The following COL25A1 variants were observed in gnomAD, a reference collection of about 807,000 sequenced individuals.
COL25A1 encodes collagen type XXV alpha 1 chain.
COL25A1 carries 103 observed loss-of-function variants against 128.4 expected under a neutral mutation model. The observed-to-expected ratio is 0.80, with a 90% CI of 0.68 to 0.94. COL25A1 has a LOEUF of 0.94. Among genes scored for constraint, COL25A1 ranks in the 40% least tolerant of loss-of-function variants. COL25A1 has a pLI of 0.00. For missense variants in COL25A1, 745 were observed against 840.0 expected (o/e 0.89, Z 1.40); for synonymous variants, 279 against 277.2 (o/e 1.01, Z -0.06).
chr4:109,222,940 C>A (rs1018253451), intron 3 of COL25A1, among the ~76,000 whole-genome samples: 13 of 152,258 alleles, frequency 8.5e-5, no homozygotes, highest in African/African-American at 3.1e-4. Context: ...GATTTCCTAA[C>A]AATAAGTGTG....
chr4:109,019,569 G>C (rs748459744), intron 5 of COL25A1, among the ~76,000 whole-genome samples: 3 of 151,844 alleles, frequency 2.0e-5, no homozygotes, highest in South Asian at 2.1e-4. Context: ...GGTGGCAGCC[G>C]AGAGAGTGAG....
intron 5 of COL25A1, among the ~76,000 whole-genome samples, chr4:109,026,251 TG>T (rs1758277167): frequency 6.6e-6 from 1 of 152,074 alleles, no homozygotes; most frequent in African/African-American, 2.4e-5. Context: ...AGAGGAAAAG[TG>T]TTCCAAAATG....
At chr4:109,146,117 T>C (rs1435612466) in intron 3 of COL25A1, among the ~76,000 whole-genome samples, 1 of 152,198 alleles carries the variant, frequency 6.6e-6, no homozygotes, top group Non-Finnish European at 1.5e-5. Context: ...GAAATATTCA[T>C]CTTGCTGTAA....
intron 5 of COL25A1, among the ~76,000 whole-genome samples, chr4:109,029,289 T>C (rs759038071): frequency 1.9e-4 from 29 of 152,172 alleles, no homozygotes; most frequent in Non-Finnish European, 4.3e-4. Context: ...TCCCACTCCA[T>C]CCCGCCCAAT....
intron 35 of COL25A1, among the ~76,000 whole-genome samples, chr4:108,822,586 T>G (rs906624771): frequency 6.6e-6 from 1 of 151,922 alleles, no homozygotes; most frequent in Non-Finnish European, 1.5e-5. Context: ...CCCACCATAT[T>G]TTTTTATTTT....
At chr4:108,936,489 C>T in intron 11 of COL25A1, among the ~76,000 whole-genome samples, 1 of 152,102 alleles carries the variant, frequency 6.6e-6, no homozygotes, top group East Asian at 1.9e-4. Context: ...ATCGCTTGAA[C>T]CCAGGAGGTG....
intron 3 of COL25A1, among the ~76,000 whole-genome samples, chr4:109,086,823 T>A (rs753969886): frequency 6.6e-6 from 1 of 152,190 alleles, no homozygotes; most frequent in Non-Finnish European, 1.5e-5. Context: ...TGCAGCGGGC[T>A]CCCCTTACAC....
intron 6 of COL25A1, among the ~76,000 whole-genome samples, chr4:108,988,458 A>G (rs1038732189): frequency 6.6e-6 from 1 of 152,182 alleles, no homozygotes; most frequent in Non-Finnish European, 1.5e-5. Context: ...GGTGACTACA[A>G]TTTCTCATGT....
At position 108,832,632 on chromosome 4, in the gene COL25A1, C is replaced by A. The variant is rs773690256; in HGVS notation, c.1657-199G>T. The A allele has an allele frequency of 1.1e-4, 50 of 469,796 alleles. 1 individual carries two copies. The highest frequency in any genetic ancestry group is 1.7e-4 in the Non-Finnish European group (46 of 266,798). The allele number at this position is 469,796 out of a possible 1,614,324, so 29.1% of individuals were successfully genotyped here. ...GCAAAAAGGATGAAGTATATAACTG[C>A]ATGTTTCAATGAAAGGCACACACGA... On this transcript the variant is annotated intron_variant, in intron 31 of 37. Transcript: ENST00000399132.
rs527784944 is a variant in COL25A1, at chr4:109,201,639, T to C, written c.367+98944A>G. 2.3e-3 allele frequency among the ~76,000 whole-genome samples: 345 copies of C among 152,136 alleles called. 1 individual carries two copies. The highest frequency in any genetic ancestry group is 7.6e-3 in the African/African-American group (317 of 41,500). ...CAATATCACTGGAAGTCCTAACTAATACAATAAGACAAGGAAAGGATATAA... is the reference window on the plus strand; with the variant it reads ...CAATATCACTGGAAGTCCTAACTAACACAATAAGACAAGGAAAGGATATAA... On this transcript the variant is annotated intron_variant, in intron 3 of 37. Transcript: ENST00000399132.
At chr4:109,208,864 T>G (rs1476545137) in intron 3 of COL25A1, among the ~76,000 whole-genome samples, 1 of 152,200 alleles carries the variant, frequency 6.6e-6, no homozygotes, top group African/African-American at 2.4e-5. Flanking sequence ...GTTTTCTCTA[T>G]TCTCACTTAC....
chr4:108,879,621 A>G (rs1739873224), intron 19 of COL25A1, among the ~76,000 whole-genome samples: 1 of 151,452 alleles, frequency 6.6e-6, no homozygotes, highest in African/African-American at 2.4e-5. Context: ...GTATTTTTGT[A>G]TTTTTAGTAG....
chr4:109,054,477 A>G (rs1863293), intron 3 of COL25A1, among the ~76,000 whole-genome samples: 74,974 of 151,992 alleles, frequency 0.49, 20,234 homozygotes, highest in African/African-American at 0.69. Context: ...AAGCTTATAA[A>G]CCATTTCCGT....
chr4:108,833,204 A>G (rs1394221250), intron 31 of COL25A1, among the ~76,000 whole-genome samples: 1 of 152,184 alleles, frequency 6.6e-6, no homozygotes, highest in Middle Eastern at 3.2e-3. Flanking sequence ...ACAGTGTGTA[A>G]CTGTTCAATC....
intron 3 of COL25A1, among the ~76,000 whole-genome samples, chr4:109,243,890 T>G (rs990041736): frequency 6.6e-6 from 1 of 152,132 alleles, no homozygotes; most frequent in African/African-American, 2.4e-5. Context: ...CTATGTTTTT[T>G]GAGTGAGTTT....
intron 6 of COL25A1, among the ~76,000 whole-genome samples, chr4:109,002,580 ATTTTCAG>A (rs1755551730): frequency 6.6e-6 from 1 of 152,154 alleles, no homozygotes; most frequent in Non-Finnish European, 1.5e-5. Flanking sequence ...AAGGGTACAA[ATTTTCAG>A]TTACAAGATG....
chr4:108,943,022 C>G (rs1345322691), intron 8 of COL25A1, among the ~76,000 whole-genome samples: 1 of 152,092 alleles, frequency 6.6e-6, no homozygotes, highest in Non-Finnish European at 1.5e-5. Context: ...TCCCAAAGTG[C>G]TGGGATTACA....
At chr4:109,036,135 G>A (rs193234472) in intron 5 of COL25A1, among the ~76,000 whole-genome samples, 119 of 152,048 alleles carry the variant, frequency 7.8e-4, no homozygotes, top group African/African-American at 2.6e-3. Flanking sequence ...CACTGTGCTA[G>A]CCAGGATGGT....
At chr4:109,054,519 T>G (rs1382132517) in intron 3 of COL25A1, among the ~76,000 whole-genome samples, 1 of 152,190 alleles carries the variant, frequency 6.6e-6, no homozygotes, top group Admixed American at 6.5e-5. Flanking sequence ...TCAATAAGAA[T>G]AGTAAGCTTT....
Sources: allele counts gnomAD v4.1 joint callset (sites outside exome capture counted in the v4.1 genomes callset), GRCh38; gene constraint gnomAD v4.1.1; transcripts MANE v1.5; gene names NCBI Gene and HGNC (gene_info 2026-07-23, HGNC 2026-07-21).